The following PTK2 variants were observed in gnomAD, a reference collection of about 807,000 sequenced individuals.
The protein encoded by PTK2 is protein tyrosine kinase 2.
A neutral mutation model predicts 150.1 loss-of-function variants in PTK2; 45 were observed. The observed-to-expected ratio is 0.30, with a 90% CI of 0.24 to 0.38. The LOEUF is 0.38. PTK2 is among the 10% of genes least tolerant of loss of function. PTK2 has a pLI of 1.00. For synonymous variants in PTK2, 432 were observed against 449.2 expected (o/e 0.96, Z 0.48); for missense variants, 919 against 1,307.3 (o/e 0.70, Z 4.58).
intron 2 of PTK2, chr8:140,892,598 A>G: frequency 1.5e-5 from 7 of 466,792 alleles, no homozygotes; most frequent in Middle Eastern, 3.3e-4. Flanking sequence ...ACAAAGCATA[A>G]ATAATACCTT....
At chr8:140,985,313 C>T (rs1434635420) in intron 1 of PTK2, among the ~76,000 whole-genome samples, 1 of 151,914 alleles carries the variant, frequency 6.6e-6, no homozygotes, top group East Asian at 1.9e-4. Flanking sequence ...TTTGTAGGGA[C>T]AAGGTCTCAC....
chr8:140,865,630 T>C (rs1356834908), intron 4 of PTK2, among the ~76,000 whole-genome samples: 1 of 152,234 alleles, frequency 6.6e-6, no homozygotes, highest in Non-Finnish European at 1.5e-5. Context: ...AAATACAAAA[T>C]TGCCAAACAA....
exon 31 of PTK2, chr8:140,664,955 C>T (rs2088462485): frequency 6.2e-7 from 1 of 1,613,870 alleles, no homozygotes; most frequent in South Asian, 1.1e-5. Flanking sequence ...GGAATGGTCT[C>T]ATCCACAGTG....
chr8:140,694,042 CTTTTT>C (rs797013196), intron 26 of PTK2, among the ~76,000 whole-genome samples: 1,799 of 136,948 alleles, frequency 0.013, 40 homozygotes, highest in African/African-American at 0.046. Flanking sequence ...CTTTTCTTTT[CTTTTT>C]TTTTTTTTTT....
At chr8:140,696,343 A>G (rs1195299106) in intron 26 of PTK2, among the ~76,000 whole-genome samples, 1 of 152,210 alleles carries the variant, frequency 6.6e-6, no homozygotes. Flanking sequence ...TATTAGAGAA[A>G]GAGAGTGAGA....
chr8:140,739,186 A>G (rs188575260), intron 20 of PTK2, 79 bp from the exon 24 acceptor site: 8 of 919,624 alleles, frequency 8.7e-6, no homozygotes, highest in Middle Eastern at 2.8e-4. Context: ...GATTTTCAGT[A>G]TCAAAGGAAA....
intron 16 of PTK2, among the ~76,000 whole-genome samples, chr8:140,759,089 G>C (rs557039511): frequency 1.3e-5 from 2 of 152,276 alleles, no homozygotes; most frequent in Non-Finnish European, 2.9e-5. Flanking sequence ...TGTAACGTTT[G>C]CACGATCATG....
Position 140,746,747 on chromosome 8 carries a change from G to A in PTK2, c.1518+13C>T, listed in dbSNP as rs770936115. The A allele has an allele frequency of 3.8e-6, 6 of 1,573,494 alleles. No individual in the cohort carries two copies. Among genetic ancestry groups the A allele is most frequent in the Non-Finnish European group, 4.3e-6 (5 of 1,152,356 alleles). On this transcript the variant is annotated intron_variant, in intron 18 of 31. Transcript: ENST00000522684. ...CGCTGAGTCCAGAAGGTAAGATTTG[G>A]GGATCACAGTACCTCTCCAAGTGTG...
chr8:140,995,149 G>A (rs533741791), intron 1 of PTK2, among the ~76,000 whole-genome samples: 191 of 151,494 alleles, frequency 1.3e-3, no homozygotes, highest in African/African-American at 4.5e-3. Context: ...GGGAGGCCGA[G>A]GTGGGTGGAT....
At chr8:140,748,663 G>A (rs1405828575) in intron 17 of PTK2, among the ~76,000 whole-genome samples, 2 of 152,086 alleles carry the variant, frequency 1.3e-5, no homozygotes, top group African/African-American at 2.4e-5. Flanking sequence ...GAGTTTGACC[G>A]CCTAATTGAG....
At chr8:140,661,540 T>C (rs190644606) in intron 31 of PTK2, among the ~76,000 whole-genome samples, 2 of 152,328 alleles carry the variant, frequency 1.3e-5, no homozygotes, top group Admixed American at 1.3e-4. Context: ...CGGGGTTCTA[T>C]AAAATCAACA....
At chr8:140,998,688 G>A (rs576893680) in intron 1 of PTK2, among the ~76,000 whole-genome samples, 1 of 151,986 alleles carries the variant, frequency 6.6e-6, no homozygotes, top group African/African-American at 2.4e-5. Context: ...GCGTGGTGGC[G>A]GGCGCCTGTA....
At chr8:140,793,473 T>C in intron 12 of PTK2, 89 bp from the exon 13 acceptor site, 2 of 1,376,954 alleles carry the variant, frequency 1.5e-6, no homozygotes, top group Non-Finnish European at 2.0e-6. Flanking sequence ...GGATGAGGCC[T>C]ATACTGGTAT....
intron 5 of PTK2, among the ~76,000 whole-genome samples, chr8:140,860,125 C>G (rs536747453): frequency 6.6e-6 from 1 of 152,166 alleles, no homozygotes; most frequent in East Asian, 1.9e-4. Context: ...TAATACCTTC[C>G]ACATCCATGA....
At chr8:140,894,666 G>A (rs1313992232) in intron 2 of PTK2, among the ~76,000 whole-genome samples, 1 of 152,156 alleles carries the variant, frequency 6.6e-6, no homozygotes, top group African/African-American at 2.4e-5. Context: ...TGAATAAAAG[G>A]GGGAAAATAG....
intron 2 of PTK2, chr8:140,920,857 C>A (rs1190324723): frequency 2.6e-6 from 4 of 1,528,402 alleles, no homozygotes; most frequent in Non-Finnish European, 3.5e-6. Context: ...CGCTTTTCTC[C>A]ATATAGATGG....
At chr8:140,665,097 C>A in intron 30 of PTK2, 100 bp from the exon 35 acceptor site, 2 of 1,087,304 alleles carry the variant, frequency 1.8e-6, no homozygotes, top group Non-Finnish European at 2.6e-6. Context: ...AGTTTCAAGG[C>A]AAATTTCTGT....
intron 27 of PTK2, among the ~76,000 whole-genome samples, chr8:140,683,240 T>C (rs1203112006): frequency 6.6e-6 from 1 of 152,152 alleles, no homozygotes; most frequent in Non-Finnish European, 1.5e-5. Flanking sequence ...GCACATGAAC[T>C]AGAAAATCTA....
chr8:140,672,781 C>T (rs189650775), intron 29 of PTK2, among the ~76,000 whole-genome samples: 7 of 152,214 alleles, frequency 4.6e-5, no homozygotes, highest in African/African-American at 7.2e-5. Flanking sequence ...CTACATCTAA[C>T]GAAGCTTCAG....
Sources: allele counts gnomAD v4.1 joint callset (sites outside exome capture counted in the v4.1 genomes callset), GRCh38; gene constraint gnomAD v4.1.1; transcripts MANE v1.5; gene names NCBI Gene and HGNC (gene_info 2026-07-23, HGNC 2026-07-21).